HDAC9: variants seen among roughly 807,000 people sequenced by gnomAD.
The protein encoded by HDAC9 is histone deacetylase 9.
HDAC9 carries 41 observed loss-of-function variants against 139.4 expected under a neutral mutation model. That is an observed-to-expected ratio of 0.29 (90% CI 0.23 to 0.38). The LOEUF is 0.38. HDAC9 is among the 10% of genes least tolerant of loss of function. The pLI, the probability that HDAC9 is intolerant of heterozygous loss-of-function variation, is 1.00. For missense variants in HDAC9, 1,147 were observed against 1,297.0 expected, an observed-to-expected ratio of 0.88 and a Z score of 1.78; for synonymous variants, 517 against 476.2, an observed-to-expected ratio of 1.09 and a Z score of -1.12.
chr7:18,189,922 TG>T (rs1790219353), intron 2 of HDAC9, among the ~76,000 whole-genome samples: 2 of 79,354 alleles, frequency 2.5e-5, no homozygotes, highest in East Asian at 7.1e-4. Context: ...TTGTGTGTGG[TG>T]TGTGTGTGTG....
intron 25 of HDAC9, among the ~76,000 whole-genome samples, chr7:18,986,139 C>T (rs1785330044): frequency 1.9e-4 from 1 of 5,282 alleles, no homozygotes; most frequent in Non-Finnish European, 3.9e-4. Context: ...ACATGAAGTC[C>T]TTGCCCATGC....
rs543750943 is a variant in HDAC9, at chr7:18,732,730, C to CGT, written c.1909+4976_1909+4977dup. 5.0e-4 allele frequency among the ~76,000 whole-genome samples: 29 copies of CGT among 58,394 alleles called. 2 individuals carry two copies. Among genetic ancestry groups the CGT allele is most frequent in the African/African-American group, 1.3e-3 (12 of 9,200 alleles). The allele number at this position is 58,394 out of a possible 152,430, so 38.3% of individuals were successfully genotyped here. On this transcript the variant is annotated intron_variant, in intron 13 of 25. Transcript: ENST00000686413. ...GTGTGCGTATGTGTACACACACACACGTGTATGTGTGCGTATGTGTACACA... is the reference window on the plus strand; with the variant it reads ...GTGTGCGTATGTGTACACACACACACGTGTGTATGTGTGCGTATGTGTACACA...
chr7:18,346,885 G>A (rs969321179), intron 1 of HDAC9, among the ~76,000 whole-genome samples: 12 of 152,106 alleles, frequency 7.9e-5, no homozygotes, highest in African/African-American at 2.9e-4. Flanking sequence ...GAGGAAAGTG[G>A]AATAGCCAAT....
chr7:18,862,696 A>G (rs1798201883), intron 21 of HDAC9, among the ~76,000 whole-genome samples: 1 of 152,154 alleles, frequency 6.6e-6, no homozygotes, highest in Non-Finnish European at 1.5e-5. Flanking sequence ...CAGAGTTCCC[A>G]TTTGGATAAT....
intron 2 of HDAC9, among the ~76,000 whole-genome samples, chr7:18,540,406 A>G (rs1475443344): frequency 6.6e-6 from 1 of 152,102 alleles, no homozygotes; most frequent in African/African-American, 2.4e-5. Flanking sequence ...TCTTTCCTTT[A>G]ACAAATATTC....
intron 2 of HDAC9, among the ~76,000 whole-genome samples, chr7:18,176,580 A>C (rs1788919522): frequency 6.6e-6 from 1 of 152,178 alleles, no homozygotes; most frequent in Non-Finnish European, 1.5e-5. Context: ...AAATTATTAT[A>C]ATTAGAGATT....
At chr7:18,103,515 G>A (rs1165133251) in intron 1 of HDAC9, among the ~76,000 whole-genome samples, 2 of 152,118 alleles carry the variant, frequency 1.3e-5, no homozygotes, top group African/African-American at 2.4e-5. Flanking sequence ...TGGAGTCCCC[G>A]GTGCCTATTG....
chr7:18,955,681 G>A (rs1783099448), intron 24 of HDAC9, among the ~76,000 whole-genome samples: 1 of 152,106 alleles, frequency 6.6e-6, no homozygotes, highest in South Asian at 2.1e-4. Context: ...AGACAACCAA[G>A]TAAATAATTG....
chr7:18,657,642 C>A (rs900329200), intron 11 of HDAC9, among the ~76,000 whole-genome samples: 1 of 152,090 alleles, frequency 6.6e-6, no homozygotes, highest in Admixed American at 6.6e-5. Flanking sequence ...CTGCCCCAAC[C>A]CCTGCCAAGA....
At chr7:18,572,262 T>C (rs940297833) in intron 2 of HDAC9, among the ~76,000 whole-genome samples, 1 of 150,072 alleles carries the variant, frequency 6.7e-6, no homozygotes, top group Non-Finnish European at 1.5e-5. Flanking sequence ...TCATTTGAAA[T>C]AGCTATTTGA....
chr7:18,182,675 G>C (rs1049445833), intron 2 of HDAC9, among the ~76,000 whole-genome samples: 1 of 152,166 alleles, frequency 6.6e-6, no homozygotes, highest in African/African-American at 2.4e-5. Context: ...ACTTTGAGGG[G>C]TTAGTTATCT....
chr7:18,952,428 A>G (rs535845383), intron 23 of HDAC9, among the ~76,000 whole-genome samples: 17 of 152,050 alleles, frequency 1.1e-4, no homozygotes, highest in African/African-American at 3.6e-4. Context: ...TTTTACCCCA[A>G]AGTCACAGGG....
chr7:18,841,950 T>C (rs145300987), intron 21 of HDAC9, among the ~76,000 whole-genome samples: 11 of 152,242 alleles, frequency 7.2e-5, no homozygotes, highest in African/African-American at 2.6e-4. Flanking sequence ...TTCTTATGTA[T>C]GCATTTAGAT....
chr7:18,632,922 G>A (rs1782783163), intron 7 of HDAC9, among the ~76,000 whole-genome samples: 1 of 151,966 alleles, frequency 6.6e-6, no homozygotes, highest in Non-Finnish European at 1.5e-5. Flanking sequence ...CTAGGGTGAT[G>A]AAAAAATAGA....
intron 2 of HDAC9, among the ~76,000 whole-genome samples, chr7:18,503,226 G>A (rs1306831694): frequency 6.6e-6 from 1 of 152,180 alleles, no homozygotes. Flanking sequence ...TTGAAAGGAA[G>A]CTGAAGTGAG....
intron 22 of HDAC9, among the ~76,000 whole-genome samples, chr7:18,895,838 G>C (rs903178510): frequency 2.7e-5 from 4 of 147,390 alleles, no homozygotes; most frequent in Non-Finnish European, 6.2e-5. Flanking sequence ...TTCCTGTTTA[G>C]AGACTTGAAA....
intron 1 of HDAC9, among the ~76,000 whole-genome samples, chr7:18,129,452 T>G (rs995606605): frequency 1.3e-5 from 2 of 152,134 alleles, no homozygotes. Context: ...GAGTCAGCAT[T>G]TAGTAGGGTC....
chr7:18,393,966 G>C (rs186172422), intron 1 of HDAC9, among the ~76,000 whole-genome samples: 325 of 152,272 alleles, frequency 2.1e-3, no homozygotes, highest in Admixed American at 4.4e-3. Context: ...TCTCAGTGAA[G>C]TTCAAATTAT....
intron 2 of HDAC9, among the ~76,000 whole-genome samples, chr7:18,281,461 A>G (rs1455843215): frequency 1.3e-5 from 2 of 152,146 alleles, no homozygotes; most frequent in African/African-American, 4.8e-5. Context: ...AAAACTGAGG[A>G]CCTGGTGAAG....
Sources: allele counts gnomAD v4.1 joint callset (sites outside exome capture counted in the v4.1 genomes callset), GRCh38; gene constraint gnomAD v4.1.1; transcripts MANE v1.5; gene names NCBI Gene and HGNC (gene_info 2026-07-23, HGNC 2026-07-21).